The following TBC1D5 variants were observed in gnomAD, a reference collection of about 807,000 sequenced individuals.
TBC1D5 encodes TBC1 domain family, member 5.
Under a neutral mutation model 100.3 loss-of-function variants are expected in TBC1D5, and 75 were observed. The ratio of observed to expected loss-of-function variants is 0.75; its 90% CI spans 0.62 to 0.91. The LOEUF is 0.91. Among genes scored for constraint, TBC1D5 ranks in the 40% least tolerant of loss-of-function variants. The pLI, the probability that TBC1D5 is intolerant of heterozygous loss-of-function variation, is 0.00. For synonymous variants in TBC1D5, 323 were observed against 325.6 expected, an observed-to-expected ratio of 0.99 and a Z score of 0.09; for missense variants, 910 against 942.4, an observed-to-expected ratio of 0.97 and a Z score of 0.45.
At chr3:17,496,554 C>T (rs1268266633) in intron 3 of TBC1D5, among the ~76,000 whole-genome samples, 1 of 151,832 alleles carries the variant, frequency 6.6e-6, no homozygotes, top group African/African-American at 2.4e-5. Context: ...TAAAATGGAC[C>T]ATATAGAAAG....
In TBC1D5 at chr3:17,551,797, T is replaced by G. The variant is rs890941016; in HGVS notation, c.-35-43192A>C. ...TTATTAAACATTTAATCTTTGCACA[T>G]TTGAAGGAGTTTAAATACTGAACAG... On this transcript the variant is annotated intron_variant, in intron 2 of 21. Coordinates refer to ENST00000253692, the Ensembl canonical transcript of TBC1D5. Among the ~76,000 whole-genome samples the G allele has an allele frequency of 7.9e-5, 12 of 152,216 alleles. No homozygotes were observed. The East Asian group carries it at 2.1e-3, about 27-fold the overall frequency.
At chr3:17,531,504 C>G (rs924572763) in intron 2 of TBC1D5, among the ~76,000 whole-genome samples, 13 of 152,014 alleles carry the variant, frequency 8.6e-5, no homozygotes, top group African/African-American at 2.9e-4. Flanking sequence ...CATATGGAAG[C>G]AAAAAAGAGC....
intron 1 of TBC1D5, among the ~76,000 whole-genome samples, chr3:17,657,660 C>G (rs902496149): frequency 2.0e-5 from 3 of 152,132 alleles, no homozygotes; most frequent in Non-Finnish European, 2.9e-5. Context: ...TTAGCTGCAT[C>G]AATATAGTCA....
intron 2 of TBC1D5, among the ~76,000 whole-genome samples, chr3:17,533,074 G>GAC (rs9310518): frequency 0.091 from 13,201 of 144,918 alleles, 657 homozygotes; most frequent in Middle Eastern, 0.12. Context: ...CACATACACA[G>GAC]ACACACACAC....
chr3:17,297,538 C>T (rs1156620388), intron 14 of TBC1D5, among the ~76,000 whole-genome samples: 12 of 151,182 alleles, frequency 7.9e-5, no homozygotes, highest in Non-Finnish European at 2.9e-5. Context: ...ATCACACCAC[C>T]GCACTCCAGC....
chr3:17,591,925 T>G (rs983395795), intron 2 of TBC1D5, among the ~76,000 whole-genome samples: 2 of 152,216 alleles, frequency 1.3e-5, no homozygotes, highest in African/African-American at 2.4e-5. Flanking sequence ...ACTCTCCTAT[T>G]TGGCCTATGC....
chr3:17,684,295 T>A (rs781379409), intron 1 of TBC1D5, among the ~76,000 whole-genome samples: 5 of 152,114 alleles, frequency 3.3e-5, no homozygotes, highest in Non-Finnish European at 7.4e-5. Context: ...AACATTCCAA[T>A]TAAATATTCA....
intron 15 of TBC1D5, among the ~76,000 whole-genome samples, chr3:17,288,201 T>C (rs2081357269): frequency 1.3e-5 from 2 of 152,200 alleles, no homozygotes; most frequent in South Asian, 4.1e-4. Context: ...GACTTTATAA[T>C]TGACATTAAC....
intron 12 of TBC1D5, among the ~76,000 whole-genome samples, chr3:17,372,760 T>C (rs1207961312): frequency 1.3e-5 from 2 of 152,218 alleles, no homozygotes; most frequent in African/African-American, 4.8e-5. Flanking sequence ...CTTCATCACA[T>C]AACTTGCCAA....
rs2075619063 is a variant in TBC1D5 at position 17,233,665 on chromosome 3, T to C, written c.1588+4498A>G. 2 of 1,428,876 alleles carry C rather than the reference T, an allele frequency of 1.4e-6. No homozygotes were observed. The highest frequency in any genetic ancestry group is 2.9e-5 in the African/African-American group (2 of 69,624). The allele number at this position is 1,428,876 out of a possible 1,614,324, so 88.5% of individuals were successfully genotyped here. A position where few individuals can be genotyped will look rare whatever the true frequency, so the allele number is the denominator to read the frequency against. ...TGTAGGCAAAGAAAAAGAAACACTA[T>C]GTTGTTATGGTAACTGTACCTTGGA... On this transcript the variant is annotated intron_variant, in intron 17 of 21. Transcript: ENST00000253692.
At chr3:17,335,056 A>T (rs1259723417) in intron 13 of TBC1D5, among the ~76,000 whole-genome samples, 2 of 152,166 alleles carry the variant, frequency 1.3e-5, no homozygotes, top group East Asian at 3.8e-4. Context: ...AAATCTGGTT[A>T]TATTATACCC....
At position 17,523,626 on chromosome 3, in the gene TBC1D5, G is replaced by A. The variant is rs565592306; in HGVS notation, c.-35-15021C>T. On this transcript the variant is annotated intron_variant, in intron 2 of 21. Transcript: ENST00000253692. ...AGTAAATACCTACGTTTGCAACAGA[G>A]AAAGCTGCACTGAGAAAAAGCAGCT... 3.9e-5 allele frequency among the ~76,000 whole-genome samples: 6 copies of A among 152,250 alleles called. No individual in the cohort carries two copies. The South Asian group carries it at 1.2e-3, about 32-fold the overall frequency.
intron 18 of TBC1D5, among the ~76,000 whole-genome samples, chr3:17,207,565 T>C (rs944052965): frequency 1.3e-5 from 2 of 152,214 alleles, no homozygotes; most frequent in African/African-American, 4.8e-5. Context: ...AAGCTGAATC[T>C]TGCCCTCTTT....
At chr3:17,706,219 T>A (rs917197880) in intron 1 of TBC1D5, 1 of 1,549,746 alleles carries the variant, frequency 6.5e-7, no homozygotes, top group Non-Finnish European at 8.7e-7. Context: ...AGGCCCAGGC[T>A]GTGGAGGCGG....
At chr3:17,537,184 T>C (rs1560110740) in intron 2 of TBC1D5, among the ~76,000 whole-genome samples, 1 of 152,194 alleles carries the variant, frequency 6.6e-6, no homozygotes, top group Admixed American at 6.5e-5. Flanking sequence ...CCACTATCTG[T>C]CATTTGATGC....
chr3:17,673,241 G>A (rs2068167257), intron 1 of TBC1D5, among the ~76,000 whole-genome samples: 1 of 151,812 alleles, frequency 6.6e-6, no homozygotes, highest in East Asian at 1.9e-4. Flanking sequence ...TACATGTGGT[G>A]GCATACTAAT....
chr3:17,279,439 G>T (rs2733479), intron 15 of TBC1D5, among the ~76,000 whole-genome samples: 61,350 of 152,036 alleles, frequency 0.4, 13,049 homozygotes, highest in Middle Eastern at 0.5. Context: ...AGAGGTGATC[G>T]CTCATGACTG....
chr3:17,167,208 A>G (rs1015182933), intron 20 of TBC1D5, among the ~76,000 whole-genome samples: 2 of 152,164 alleles, frequency 1.3e-5, no homozygotes, highest in Non-Finnish European at 2.9e-5. Flanking sequence ...TTAAAACAGG[A>G]AGCACAATTT....
intron 18 of TBC1D5, among the ~76,000 whole-genome samples, chr3:17,193,705 T>C (rs2070273098): frequency 6.6e-6 from 1 of 152,224 alleles, no homozygotes; most frequent in Non-Finnish European, 1.5e-5. Flanking sequence ...ATAACTTCTT[T>C]TGTAGATAGC....
Sources: gnomAD v4.1 joint callset for allele counts (sites outside exome capture counted in the v4.1 genomes callset) on GRCh38, gnomAD v4.1.1 for gene constraint, MANE v1.5 for transcripts, NCBI Gene and HGNC (gene_info 2026-07-23, HGNC 2026-07-21) for gene names.